Variants in ITK observed in about 807,000 individuals in gnomAD.
ITK encodes the protein tyrosine-protein kinase ITK/TSK.
Under a neutral mutation model 87.6 loss-of-function variants are expected in ITK, and 45 were observed. The ratio of observed to expected loss-of-function variants is 0.51; its 90% CI spans 0.40 to 0.66. ITK has a LOEUF of 0.66. ITK is among the 30% of genes least tolerant of loss of function. The pLI is 0.00. For missense variants in ITK, 605 were observed against 766.3 expected, an observed-to-expected ratio of 0.79 and a Z score of 2.48; for synonymous variants, 303 against 273.6, an observed-to-expected ratio of 1.11 and a Z score of -1.06.
chr5:157,251,342 G>A lies in ITK; in HGVS notation c.1792-1265G>A, dbSNP rs141372812. ...AGATCTTTTGCCCATTTCTCAATCA[G>A]GTTGTTTGTTTACTTATTGTTGAGT... is the stretch of plus-strand genomic sequence containing the variant. On this transcript the variant is annotated intron_variant, in intron 16 of 16. Transcript: ENST00000422843. Among the ~76,000 whole-genome samples, 267 of 152,190 alleles carry A rather than the reference G, an allele frequency of 1.8e-3. 1 individual carries two copies. The highest frequency in any genetic ancestry group is 6.1e-3 in the African/African-American group (252 of 41,522).
intron 1 of ITK, chr5:157,199,729 A>G (rs1753928737): frequency 6.6e-6 from 1 of 152,196 alleles, no homozygotes; most frequent in Non-Finnish European, 1.5e-5. Context: ...AAATGGGGAG[A>G]TAATATGTTG....
intron 1 of ITK, among the ~76,000 whole-genome samples, chr5:157,197,917 A>G (rs952760507): frequency 2.0e-5 from 3 of 152,186 alleles, no homozygotes; most frequent in African/African-American, 7.2e-5. Context: ...CCATAGAATA[A>G]ATCAGATCAG....
At chr5:157,218,757 G>A (rs958143036) in intron 5 of ITK, among the ~76,000 whole-genome samples, 8 of 152,132 alleles carry the variant, frequency 5.3e-5, no homozygotes, top group Admixed American at 1.3e-4. Flanking sequence ...AGGATGCAAG[G>A]TTTCTGGCGT....
chr5:157,201,405 C>T (rs1488326633), intron 1 of ITK, among the ~76,000 whole-genome samples: 1 of 148,826 alleles, frequency 6.7e-6, no homozygotes, highest in Non-Finnish European at 1.5e-5. Context: ...TCAAGGGATT[C>T]TCCTGCCTCA....
At chr5:157,185,740 A>T (rs1416372867) in intron 1 of ITK, among the ~76,000 whole-genome samples, 1 of 151,286 alleles carries the variant, frequency 6.6e-6, no homozygotes. Context: ...GTTACACAGG[A>T]GGGTGAGGTG....
At chr5:157,185,449 G>A (rs1474201778) in intron 1 of ITK, among the ~76,000 whole-genome samples, 2 of 151,870 alleles carry the variant, frequency 1.3e-5, no homozygotes, top group African/African-American at 4.8e-5. Flanking sequence ...CACCATATTG[G>A]CCAGCTGGTC....
intron 1 of ITK, among the ~76,000 whole-genome samples, chr5:157,192,260 C>T (rs897105273): frequency 1.3e-5 from 2 of 152,168 alleles, no homozygotes; most frequent in East Asian, 3.8e-4. Flanking sequence ...CTCTGCAAAA[C>T]CTGAATGCCC....
chr5:157,207,287 G>A lies in ITK; in HGVS notation c.139-1602G>A, dbSNP rs563762511. On this transcript the variant is annotated intron_variant, in intron 1 of 16. Coordinates refer to ENST00000422843, the MANE Select transcript of ITK (RefSeq NM_005546.4). ...ACTGAGGGCAGATCTCCCCCACCTC[G>A]CCCATTCTGATACACATACTAGTCT... 4.8e-5 allele frequency among the ~76,000 whole-genome samples: 7 copies of A among 145,090 alleles called. No individual in the cohort carries two copies. In the East Asian group the frequency reaches 8.3e-4, roughly 17 times the overall value.
chr5:157,236,696 G>A (rs13174611), intron 8 of ITK, among the ~76,000 whole-genome samples: 1 of 152,114 alleles, frequency 6.6e-6, no homozygotes, highest in Admixed American at 6.5e-5. Context: ...GTGTTAGATA[G>A]GAAGTACTTA....
intron 8 of ITK, among the ~76,000 whole-genome samples, chr5:157,233,569 A>T (rs1431384532): frequency 6.6e-6 from 1 of 152,170 alleles, no homozygotes; most frequent in Non-Finnish European, 1.5e-5. Context: ...ACAGAATCAG[A>T]GTCTCTAGTG....
chr5:157,195,929 C>G (rs1201793245), intron 1 of ITK: 1 of 152,158 alleles, frequency 6.6e-6, no homozygotes, highest in Non-Finnish European at 1.5e-5. Context: ...GTAGATGTGT[C>G]ATTTTCCATA....
Position 157,220,218 on chromosome 5 carries a change from G to A in ITK, c.495+2311G>A, listed in dbSNP as rs144058529. Among the ~76,000 whole-genome samples, 405 of 152,266 alleles carry A rather than the reference G, an allele frequency of 2.7e-3. 2 individuals are homozygous for A. The highest frequency in any genetic ancestry group is 9.2e-3 in the African/African-American group (384 of 41,542). On this transcript the variant is annotated intron_variant, in intron 5 of 16. Transcript: ENST00000422843. ...ACTGGCCAGTCCTCTGGGGGTTGGG[G>A]GATGGCTATTTTGGTTCAAGATGTA...
chr5:157,252,131 G>C (rs1755150427), intron 16 of ITK, among the ~76,000 whole-genome samples: 1 of 152,056 alleles, frequency 6.6e-6, no homozygotes, highest in Non-Finnish European at 1.5e-5. Flanking sequence ...TGGAATATCT[G>C]TCCATTTATT....
At chr5:157,220,301 A>G (rs1220436094) in intron 5 of ITK, among the ~76,000 whole-genome samples, 2 of 152,140 alleles carry the variant, frequency 1.3e-5, no homozygotes, top group African/African-American at 4.8e-5. Context: ...ATGGATACAA[A>G]CAAGGTCGTA....
chr5:157,213,497 C>T (rs1754234074), intron 3 of ITK: 1 of 413,824 alleles, frequency 2.4e-6, no homozygotes, highest in Admixed American at 2.9e-5. Flanking sequence ...CCCACTTCAG[C>T]CTCCTGAGTA....
chr5:157,189,201 G>T (rs1051477870), intron 1 of ITK, among the ~76,000 whole-genome samples: 9 of 152,164 alleles, frequency 5.9e-5, no homozygotes, highest in African/African-American at 1.7e-4. Flanking sequence ...GTAATGTGAG[G>T]TTAATGTTTT....
chr5:157,226,168 T>A (rs536705741), intron 6 of ITK, among the ~76,000 whole-genome samples: 2 of 152,222 alleles, frequency 1.3e-5, no homozygotes, highest in Non-Finnish European at 2.9e-5. Flanking sequence ...CATTCACAGA[T>A]GACCAAGTCA....
Position 157,252,608 on chromosome 5 carries a change from G to T in ITK, c.1793G>T (p.Arg598Ile). 6.2e-7 allele frequency: 1 copy of T among 1,613,570 alleles called. No individual in the cohort carries two copies. Among genetic ancestry groups the T allele is most frequent in the South Asian group, 1.1e-5 (1 of 91,046 alleles). Residue 598 changes from arginine to isoleucine, a missense_variant and splice_region_variant, in exon 17 of 17, where the codon AGA (arginine) becomes ATA (isoleucine). This residue lies in a region of ITK where 71 missense variants were observed against 65.8 expected (regional missense o/e 1.08). Coordinates refer to ENST00000422843, the MANE Select transcript of ITK (RefSeq NM_005546.4). Reference sequence around the variant, plus strand: ...CAGAGTTCTTTTTTCCCTCTCCAGAGACCAGAAGATCGGCCAGCCTTCTCC... The same window carrying T: ...CAGAGTTCTTTTTTCCCTCTCCAGATACCAGAAGATCGGCCAGCCTTCTCC... Reference protein sequence around the residue: ...YQIMNHCWKERPEDRPAFSRL... With the variant: ...YQIMNHCWKEIPEDRPAFSRL...
At chr5:157,201,215 A>G (rs532722701) in intron 1 of ITK, among the ~76,000 whole-genome samples, 6 of 152,164 alleles carry the variant, frequency 3.9e-5, no homozygotes, top group South Asian at 2.1e-4. Context: ...AAAGTCATCT[A>G]TGAAAACCTA....
Sources: gnomAD v4.1 joint callset for allele counts (sites outside exome capture counted in the v4.1 genomes callset) on GRCh38, gnomAD v4.1.1 for gene constraint, gnomAD v4.1.1 regional missense constraint, MANE v1.5 for transcripts, NCBI Gene and HGNC (gene_info 2026-07-23, HGNC 2026-07-21) for gene names.